Variants in MUC6 observed in about 807,000 individuals in gnomAD.
MUC6 encodes the protein mucin 6, oligomeric mucus/gel-forming (gene/pseudogene).
A neutral mutation model predicts 201.5 loss-of-function variants in MUC6; 188 were observed. The observed-to-expected ratio is 0.93, with a 90% CI of 0.83 to 1.05. MUC6 has a LOEUF of 1.05. Ranked by LOEUF, MUC6 falls within the 50% of genes least tolerant of loss-of-function variation. The pLI is 0.00. For missense variants in MUC6, 2,706 were observed against 3,256.9 expected, an observed-to-expected ratio of 0.83 and a Z score of 4.12; for synonymous variants, 1,228 against 1,389.4, an observed-to-expected ratio of 0.88 and a Z score of 2.58.
Position 1,018,745 on chromosome 11 carries a change from T to G in MUC6, c.4056A>C (p.Pro1352=). ...TLPKSTNQEL[P]GTTATQTTGP... ...CTGTCGTCTGGGTGGCCGTTGTTCC[T>G]GGCAGTTCCTGATTGGTCGATTTTG... The change falls in exon 31 of 33, where the codon CCA becomes CCC. Residue 1352 remains proline, a synonymous_variant. Transcript: ENST00000421673. The G allele has an allele frequency of 6.4e-7, 1 of 1,574,234 alleles. No homozygotes were observed. The highest frequency in any genetic ancestry group is 8.6e-7 in the Non-Finnish European group (1 of 1,164,046).
rs775992429 is a variant in MUC6 at position 1,029,206 on chromosome 11, C to A, written c.1275+22G>T. On this transcript the variant is annotated intron_variant, in intron 10 of 32. Coordinates refer to ENST00000421673, the MANE Select transcript of MUC6 (RefSeq NM_005961.3). ...GGGTCACCGGGAGCGCCCCTCCCCACGGGCCACAGGGCTCGTCCTACCTGG... is the reference window on the plus strand; with the variant it reads ...GGGTCACCGGGAGCGCCCCTCCCCAAGGGCCACAGGGCTCGTCCTACCTGG... The A allele has an allele frequency of 3.1e-6, 5 of 1,605,906 alleles. No individual in the cohort carries two copies. In the Admixed American group the frequency reaches 8.5e-5, roughly 27 times the overall value.
intron 26 of MUC6, among the ~76,000 whole-genome samples, chr11:1,021,563 G>C (rs945461905): frequency 1.5e-4 from 23 of 152,034 alleles, no homozygotes; most frequent in Non-Finnish European, 3.2e-4. Context: ...TAGTGATGGG[G>C]CTTCGCCACG....
Position 1,028,356 on chromosome 11 carries a change from C to A in MUC6, c.1623G>T (p.Thr541=), listed in dbSNP as rs373499875. Residue 541 remains threonine (T), a synonymous_variant, in exon 14 of 33, where the codon ACG becomes ACT. Transcript: ENST00000421673. ...TACCCATGCTAGTGGTGAAGTCATC[C>A]GTTGTGTCCCCGTTGAAGTTGCCGC... The part of the protein sequence containing the change: ...GLCGNFNGDT[T]DDFTTSMGIA... 1.9e-6 allele frequency: 3 copies of A among 1,612,502 alleles called. No individual in the cohort carries two copies. The highest frequency in any genetic ancestry group is 3.3e-5 in the Admixed American group (2 of 59,990).
chr11:1,023,219 G>A (rs1856863061), intron 26 of MUC6, among the ~76,000 whole-genome samples: 1 of 152,058 alleles, frequency 6.6e-6, no homozygotes, highest in African/African-American at 2.4e-5. Flanking sequence ...ATGAATGTGT[G>A]TGTAGTGACT....
At chr11:1,020,626 C>T (rs371942954) in intron 28 of MUC6, 58 bp downstream of exon 28, 50 of 1,608,532 alleles carry the variant, frequency 3.1e-5, no homozygotes, top group Non-Finnish European at 3.7e-5. Context: ...TCCAGGGAAC[C>T]GAGGGGAGCC....
At chr11:1,015,534 A>G (rs1270018086) in intron 31 of MUC6, among the ~76,000 whole-genome samples, 4 of 152,136 alleles carry the variant, frequency 2.6e-5, no homozygotes, top group African/African-American at 7.2e-5. Flanking sequence ...TAGCTGGGGA[A>G]CAAGGCCCAA....
intron 31 of MUC6, 46 bp downstream of exon 31, chr11:1,015,716 A>T: frequency 1.3e-6 from 2 of 1,504,388 alleles, no homozygotes; most frequent in South Asian, 2.8e-5. Flanking sequence ...GGGAGTCATG[A>T]GCACAGAGGT....
intron 1 of MUC6, among the ~76,000 whole-genome samples, chr11:1,034,287 G>A (rs757024908): frequency 1.8e-4 from 27 of 152,218 alleles, no homozygotes; most frequent in Non-Finnish European, 2.4e-4. Context: ...CCTTGAGATC[G>A]TTTTCTGATG....
chr11:1,029,606 A>T lies in MUC6; in HGVS notation c.1025T>A (p.Leu342Gln), dbSNP rs1234370879. 1 of 1,589,782 alleles carries T rather than the reference A, an allele frequency of 6.3e-7. No homozygotes were observed. Among genetic ancestry groups the T allele is most frequent in the African/African-American group, 1.3e-5 (1 of 74,442 alleles). Residue 342 changes from leucine (L) to glutamine (Q), a missense_variant, in exon 9 of 33, where the codon CTG becomes CAG. Physicochemically the swap from Leu to Gln is moderately radical, Grantham distance 113. Coordinates refer to ENST00000421673, the MANE Select transcript of MUC6 (RefSeq NM_005961.3). The stretch of plus-strand genomic sequence containing the variant: ...GGTGTGGTTATTGGAGAGGTCATTC[A>T]GGACCGTACCTGCAGGAGAGGGTCT... The part of the protein sequence containing the change: ...FGCFCPEGTV[L>Q]NDLSNNHTCV...
intron 22 of MUC6, 82 bp from the exon 23 acceptor site, chr11:1,025,449 A>G: frequency 6.7e-7 from 1 of 1,498,702 alleles, no homozygotes; most frequent in Non-Finnish European, 9.0e-7. Flanking sequence ...GCTCTCAGAG[A>G]CAGAGCTGCC....
chr11:1,025,850 C>T lies in MUC6; in HGVS notation c.2754G>A (p.Gly918=). The change falls in exon 22 of 33, where the codon GGG becomes GGA. Residue 918 remains glycine, a synonymous_variant. Transcript: ENST00000421673. The part of the protein sequence containing the change: ...FKILTENVIC[G]NSGVTCSRAI... ...CCCGTGAGCATGTGACCCCGGAGTT[C>T]CCACAGATGACGTTCTCTGTCAGGA... The T allele has an allele frequency of 6.2e-7, 1 of 1,613,010 alleles. No homozygotes were observed. Among genetic ancestry groups the T allele is most frequent in the Non-Finnish European group, 8.5e-7 (1 of 1,179,782 alleles).
chr11:1,023,801 T>C, intron 25 of MUC6, 146 bp downstream of exon 25: 1 of 1,438,876 alleles, frequency 6.9e-7, no homozygotes, highest in Non-Finnish European at 9.3e-7. Flanking sequence ...AGCTGGGGGC[T>C]GCGGGAGGGC....
In MUC6 at chr11:1,018,554, ACGGG is replaced by A; in HGVS notation, c.4243_4246del (p.Pro1415SerfsTer40). ...TGCAGTGACAGGACCTGTGGAAGGG[ACGGG>A]ACTCCCCGCCGTAGGCGGGGAGTGT... On this transcript the variant is annotated frameshift_variant, in exon 31 of 33. Transcript: ENST00000421673. LOFTEE classifies it high-confidence loss of function. 1.2e-6 allele frequency: 2 copies of A among 1,613,048 alleles called. No individual in the cohort carries two copies. Among genetic ancestry groups the A allele is most frequent in the Non-Finnish European group, 1.7e-6 (2 of 1,179,548 alleles).
intron 7 of MUC6, 44 bp from the exon 8 acceptor site, chr11:1,030,379 A>ACCCCCCCCCCCCCCCCCCCT: frequency 1.2e-6 from 1 of 842,124 alleles, no homozygotes; most frequent in Non-Finnish European, 1.6e-6. Flanking sequence ...CACCCCCCCC[A>ACCCCCCCCCCCCCCCCCCCT]CCCCTCCCTG....
In MUC6 at chr11:1,015,867, AGGT is replaced by A. The variant is rs1856591413; in HGVS notation, c.6931_6933del (p.Thr2311del). On this transcript the variant is annotated inframe_deletion, in exon 31 of 33. Transcript: ENST00000421673. ...GTCAGGAACCGTGTGGTAGGCGACA[AGGT>A]GGGACCAGGGTGCCTGGTGGTAAGG... 2 of 1,607,828 alleles carry A rather than the reference AGGT, an allele frequency of 1.2e-6. No individual in the cohort carries two copies. Among genetic ancestry groups the A allele is most frequent in the African/African-American group, 2.7e-5 (2 of 74,830 alleles).
At chr11:1,021,861 C>G (rs560920526) in intron 26 of MUC6, among the ~76,000 whole-genome samples, 1 of 152,066 alleles carries the variant, frequency 6.6e-6, no homozygotes, top group East Asian at 1.9e-4. Flanking sequence ...CATCTGTCCT[C>G]TGTGTGTCCG....
rs762338316 is a variant in MUC6 at position 1,013,907 on chromosome 11, G to A, written c.7134C>T (p.Ser2378=). The part of the protein sequence containing the change: ...TVTRCEGACI[S]AASFNIITQQ... ...CCCACCTGTGGACTCACCTGGCAGC[G>A]GAAATGCAGGCGCCCTCACAGCGGG... Residue 2378 remains serine (S), a synonymous_variant, in exon 32 of 33, where the codon TCC becomes TCT. Coordinates refer to ENST00000421673, the MANE Select transcript of MUC6 (RefSeq NM_005961.3). The A allele has an allele frequency of 7.5e-6, 12 of 1,604,606 alleles. 1 individual carries two copies. The highest frequency in any genetic ancestry group is 6.7e-5 in the South Asian group (6 of 89,526).
At chr11:1,032,293 G>A (rs1857124786) in intron 2 of MUC6, among the ~76,000 whole-genome samples, 1 of 152,190 alleles carries the variant, frequency 6.6e-6, no homozygotes, top group African/African-American at 2.4e-5. Flanking sequence ...TGTTGTGTGT[G>A]TGCACGTGTG....
At chr11:1,029,742 G>A (rs1857056950) in intron 8 of MUC6, 127 bp from the exon 9 acceptor site, 2 of 1,301,698 alleles carry the variant, frequency 1.5e-6, no homozygotes, top group Admixed American at 6.1e-5. Flanking sequence ...CTGGCTCCAG[G>A]GAGACGCCCC....
Sources: gnomAD v4.1 joint callset for allele counts (sites outside exome capture counted in the v4.1 genomes callset) on GRCh38, gnomAD v4.1.1 for gene constraint, MANE v1.5 for transcripts, NCBI Gene and HGNC (gene_info 2026-07-23, HGNC 2026-07-21) for gene names.